ADGRD1: variants seen among roughly 807,000 people sequenced by gnomAD.
ADGRD1 encodes the protein G-protein coupled receptor 133.
Under a neutral mutation model 113.4 loss-of-function variants are expected in ADGRD1, and 77 were observed. That is an observed-to-expected ratio of 0.68 (90% CI 0.57 to 0.82). The LOEUF (loss-of-function observed/expected upper bound fraction) is 0.82, where lower values mean the gene tolerates loss of function less well. ADGRD1 is among the 40% of genes least tolerant of loss of function. The pLI is 0.00. For synonymous variants in ADGRD1, 474 were observed against 475.0 expected (o/e 1.00, Z 0.03); for missense variants, 1,036 against 1,139.1 (o/e 0.91, Z 1.30).
At chr12:131,134,661 A>G (rs1368536753) in intron 21 of ADGRD1, among the ~76,000 whole-genome samples, 1 of 152,192 alleles carries the variant, frequency 6.6e-6, no homozygotes, top group Non-Finnish European at 1.5e-5. Flanking sequence ...TTTTACAGGC[A>G]CCGGTTGCCC....
intron 20 of ADGRD1, among the ~76,000 whole-genome samples, chr12:131,129,821 G>T (rs1448725363): frequency 6.6e-6 from 1 of 152,242 alleles, no homozygotes; most frequent in East Asian, 1.9e-4. Flanking sequence ...AGTTTGACTT[G>T]GGGCACCTTC....
chr12:131,120,381 C>G (rs1473144214), intron 19 of ADGRD1, among the ~76,000 whole-genome samples: 1 of 152,158 alleles, frequency 6.6e-6, no homozygotes, highest in Non-Finnish European at 1.5e-5. Flanking sequence ...AGAGCAATCA[C>G]TAGGACCCTC....
rs201913165 is a variant in ADGRD1 at position 131,084,603 on chromosome 12, C to T, written c.1611C>T (p.Ser537=). The T allele has an allele frequency of 5.6e-6, 9 of 1,614,050 alleles. No individual in the cohort carries two copies. In the African/African-American group the frequency reaches 8.0e-5, roughly 14 times the overall value. ...CALTRGNLTY[S]VCRCTHLTNF... is the part of the protein sequence containing the mutation. ...TCACGAGAGGAAACCTCACCTACTC[C>T]GTCTGCCGCTGCACTCACCTCACCA... The change falls in exon 15 of 25, where the codon TCC becomes TCT. Residue 537 remains serine, a synonymous_variant. Coordinates refer to ENST00000261654, the MANE Select transcript of ADGRD1 (RefSeq NM_198827.5). The surrounding 1 kb of genome is among the most constrained non-coding windows in gnomAD (Gnocchi z 4.5).
chr12:131,014,473 C>G lies in ADGRD1; in HGVS notation c.1473+133C>G. The G allele has an allele frequency of 7.6e-6, 6 of 784,786 alleles. No homozygotes were observed. The South Asian group carries it at 1.1e-4, about 15-fold the overall frequency. The allele number at this position is 784,786 out of a possible 1,614,324, so 48.6% of individuals were successfully genotyped here. A position where few individuals can be genotyped will look rare whatever the true frequency, so the allele number is the denominator to read the frequency against. On this transcript the variant is annotated intron_variant, in intron 13 of 24. Transcript: ENST00000261654. ...CCGGCCCGAACTGGAATCTTCCTCT[C>G]CCTGGAGCTCCTTCTCTTGGGCCTT...
Position 131,139,237 on chromosome 12 carries a change from C to T in ADGRD1, c.2599C>T (p.His867Tyr). ...SPWDKSSHSAHRVDLSAV is the reference protein window; with the variant it reads ...SPWDKSSHSAYRVDLSAV ...TTGGGACAAGAGCAGCCACTCTGCC[C>T]ACCGCGTCGACCTGTCAGCCGTGTG... Residue 867 changes from histidine to tyrosine, a missense_variant, in exon 25 of 25, where the codon CAC becomes TAC. Physicochemically the swap from His to Tyr is moderately conservative, Grantham distance 83. Transcript: ENST00000261654. 1.2e-6 allele frequency: 2 copies of T among 1,613,012 alleles called. No homozygotes were observed. Among genetic ancestry groups the T allele is most frequent in the East Asian group, 4.5e-5 (2 of 44,854 alleles).
chr12:131,065,929 C>G (rs1487811722), intron 13 of ADGRD1, among the ~76,000 whole-genome samples: 1 of 152,134 alleles, frequency 6.6e-6, no homozygotes, highest in Non-Finnish European at 1.5e-5. Context: ...CAGCCCTGGT[C>G]TTTGGGCCTC....
chr12:130,994,413 G>A, intron 8 of ADGRD1: 1 of 274,074 alleles, frequency 3.6e-6, no homozygotes, highest in African/African-American at 2.2e-5. Flanking sequence ...GCTAAGGTAT[G>A]CAGTCGGGGC....
At chr12:130,991,276 C>G in intron 7 of ADGRD1, 198 bp downstream of exon 7, 1 of 489,328 alleles carries the variant, frequency 2.0e-6, no homozygotes, top group Non-Finnish European at 3.6e-6. Context: ...GGAAAACTCT[C>G]AACTCCTGCC....
At chr12:131,013,913 C>G (rs552700346) in intron 12 of ADGRD1, among the ~76,000 whole-genome samples, 1 of 152,370 alleles carries the variant, frequency 6.6e-6, no homozygotes, top group East Asian at 1.9e-4. Context: ...GTCGAGGGCT[C>G]TGTCTCACCT....
chr12:131,035,226 T>A (rs1881246621), intron 13 of ADGRD1: 1 of 152,862 alleles, frequency 6.5e-6, no homozygotes, highest in Non-Finnish European at 1.5e-5. Context: ...CTGCTGCCTC[T>A]CCTGGGGCCC....
chr12:131,031,207 C>G (rs1168046015), intron 13 of ADGRD1, among the ~76,000 whole-genome samples: 1 of 152,220 alleles, frequency 6.6e-6, no homozygotes, highest in Non-Finnish European at 1.5e-5. Context: ...ACCCTCCCTT[C>G]CTGCGCCATG....
At chr12:130,979,861 ACT>A (rs1565996862) in intron 4 of ADGRD1, among the ~76,000 whole-genome samples, 1 of 149,738 alleles carries the variant, frequency 6.7e-6, no homozygotes, top group Non-Finnish European at 1.5e-5. Flanking sequence ...ACACACACAC[ACT>A]GGAGTTTACA....
intron 15 of ADGRD1, among the ~76,000 whole-genome samples, chr12:131,094,909 C>G (rs1051436283): frequency 1.3e-5 from 2 of 152,166 alleles, no homozygotes; most frequent in Non-Finnish European, 2.9e-5. Context: ...GGAGCTCACC[C>G]GGGGGAGGCG....
In ADGRD1 at chr12:131,057,929, C is replaced by T. The variant is rs994320946; in HGVS notation, c.1474-18872C>T. The stretch of plus-strand genomic sequence containing the variant: ...CGCAGCCGTCTTCGTGCTCATCTCG[C>T]TTCTTTCTTGTTCATGTTTTTCCTT... On this transcript the variant is annotated intron_variant, in intron 13 of 24. Coordinates refer to ENST00000261654, the MANE Select transcript of ADGRD1 (RefSeq NM_198827.5). The surrounding 1 kb of genome is among the most constrained non-coding windows in gnomAD (Gnocchi z 4.2). 6.6e-6 allele frequency among the ~76,000 whole-genome samples: 1 copy of T among 152,192 alleles called. No homozygotes were observed. Among genetic ancestry groups the T allele is most frequent in the East Asian group, 1.9e-4 (1 of 5,198 alleles).
intron 13 of ADGRD1, among the ~76,000 whole-genome samples, chr12:131,039,113 C>T (rs902768330): frequency 8.5e-5 from 13 of 152,324 alleles, no homozygotes; most frequent in African/African-American, 2.6e-4. Flanking sequence ...GGAGCAGGAA[C>T]GCATGGAGCC....
intron 2 of ADGRD1, among the ~76,000 whole-genome samples, chr12:130,955,822 AC>A (rs1288588872): frequency 9.2e-5 from 14 of 151,900 alleles, no homozygotes; most frequent in Admixed American, 7.2e-4. Flanking sequence ...TCACTCTGTC[AC>A]CCAGGCTGGA....
rs1380949110 is a variant in ADGRD1, at chr12:131,004,273, C to T, written c.1232C>T (p.Pro411Leu). 1.2e-6 allele frequency: 2 copies of T among 1,613,212 alleles called. No individual in the cohort carries two copies. Among genetic ancestry groups the T allele is most frequent in the African/African-American group, 1.3e-5 (1 of 74,914 alleles). Residue 411 changes from proline (P) to leucine (L), a missense_variant, in exon 11 of 25, where the codon CCC becomes CTC. By Grantham distance (98) the Pro-to-Leu change is moderately conservative. Coordinates refer to ENST00000261654, the MANE Select transcript of ADGRD1 (RefSeq NM_198827.5). The stretch of plus-strand genomic sequence containing the variant: ...CACGGGCAGAGCTTCATCCAGATCC[C>T]CCACGAGGCCTTCCACAGGCACGGT... ...PAHGQSFIQI[P>L]HEAFHRHAWS...
At chr12:131,066,366 G>T (rs550585594) in intron 13 of ADGRD1, among the ~76,000 whole-genome samples, 15 of 152,194 alleles carry the variant, frequency 9.9e-5, no homozygotes, top group Admixed American at 5.9e-4. Context: ...ACTCCATCAG[G>T]ATGTTTAGGG....
At chr12:131,037,396 C>T (rs1373019720) in intron 13 of ADGRD1, among the ~76,000 whole-genome samples, 1 of 105,352 alleles carries the variant, frequency 9.5e-6, no homozygotes, top group Non-Finnish European at 2.1e-5. Flanking sequence ...TCACTCACTA[C>T]ACCAGGTCTC....
Sources: gnomAD v4.1 joint callset for allele counts (sites outside exome capture counted in the v4.1 genomes callset) on GRCh38, gnomAD v4.1.1 for gene constraint, Gnocchi (gnomAD v3.1) non-coding constraint, MANE v1.5 for transcripts, NCBI Gene and HGNC (gene_info 2026-07-23, HGNC 2026-07-21) for gene names.